KPNA6: variants seen among roughly 807,000 people sequenced by gnomAD.
The protein encoded by KPNA6 is karyopherin subunit alpha 6.
A neutral mutation model predicts 72.0 loss-of-function variants in KPNA6; 9 were observed. The observed-to-expected ratio is 0.13, with a 90% confidence interval of 0.08 to 0.22. KPNA6 has a LOEUF of 0.22. Ranked by LOEUF, KPNA6 falls within the 10% of genes least tolerant of loss-of-function variation. The pLI is 1.00. For missense variants in KPNA6, 374 were observed against 655.7 expected, an observed-to-expected ratio of 0.57 and a Z score of 4.69; for synonymous variants, 219 against 242.1, an observed-to-expected ratio of 0.90 and a Z score of 0.89.
intron 1 of KPNA6, among the ~76,000 whole-genome samples, chr1:32,122,957 CAAAA>C (rs912635889): frequency 1.8e-5 from 1 of 56,112 alleles, no homozygotes. Flanking sequence ...AACTCCATCT[CAAAA>C]AAAAAAAAAA....
chr1:32,124,987 G>A (rs1181909026), intron 1 of KPNA6, among the ~76,000 whole-genome samples: 4 of 151,932 alleles, frequency 2.6e-5, no homozygotes, highest in Admixed American at 1.3e-4. Context: ...CGGGACTACC[G>A]GCGCATGCCA....
At chr1:32,155,569 G>T (rs1375447008) in intron 2 of KPNA6, among the ~76,000 whole-genome samples, 1 of 151,866 alleles carries the variant, frequency 6.6e-6, no homozygotes, top group East Asian at 1.9e-4. Context: ...GATCTGCCCA[G>T]ATCTGCCCGC....
intron 1 of KPNA6, among the ~76,000 whole-genome samples, chr1:32,122,072 G>A (rs1188577675): frequency 6.6e-6 from 1 of 151,924 alleles, no homozygotes. Context: ...TCAGGAGTTC[G>A]AGAGCAGCCT....
Position 32,170,024 on chromosome 1 carries a change from G to A in KPNA6, c.1387G>A (p.Val463Ile), listed in dbSNP as rs747983431. 5.0e-6 allele frequency: 8 copies of A among 1,614,026 alleles called. No individual in the cohort carries two copies. The East Asian group carries it at 1.6e-4, about 31-fold the overall frequency. Reference sequence around the variant, plus strand: ...AGAGGGCAAGCGCAGTGGCTCAGGGGTCAATCCTTATTGTGGCCTCATAGA... The same window carrying A: ...AGAGGGCAAGCGCAGTGGCTCAGGGATCAATCCTTATTGTGGCCTCATAGA... ...EQEGKRSGSG[V>I]NPYCGLIEEA... Residue 463 changes from valine to isoleucine, a missense_variant, in exon 13 of 14, where the codon GTC becomes ATC. Coordinates refer to ENST00000373625, the MANE Select transcript of KPNA6 (RefSeq NM_012316.5).
At chr1:32,160,560 G>A (rs200622778) in intron 6 of KPNA6, 55 bp from the exon 7 acceptor site, 14 of 1,379,968 alleles carry the variant, frequency 1.0e-5, no homozygotes, top group Non-Finnish European at 1.4e-5. Flanking sequence ...TGGCTATAAA[G>A]TACTCACAGG....
At chr1:32,161,356 A>G (rs1486925889) in intron 7 of KPNA6, among the ~76,000 whole-genome samples, 1 of 152,192 alleles carries the variant, frequency 6.6e-6, no homozygotes, top group African/African-American at 2.4e-5. Context: ...CATACATCGG[A>G]CAGCTCTGTC....
At chr1:32,142,852 CT>C (rs1641862591) in intron 1 of KPNA6, 1 of 896,706 alleles carries the variant, frequency 1.1e-6, no homozygotes, top group Non-Finnish European at 1.5e-6. Context: ...TCTAACCTCC[CT>C]TGTCTGCTTC....
At chr1:32,170,269 G>A (rs1642412446) in intron 13 of KPNA6, among the ~76,000 whole-genome samples, 1 of 152,226 alleles carries the variant, frequency 6.6e-6, no homozygotes, top group Non-Finnish European at 1.5e-5. Context: ...AGTATAATCA[G>A]GATGTGCTGA....
chr1:32,119,538 C>G (rs1283643371), intron 1 of KPNA6, among the ~76,000 whole-genome samples: 1 of 152,092 alleles, frequency 6.6e-6, no homozygotes, highest in Non-Finnish European at 1.5e-5. Flanking sequence ...CAGACAAAAC[C>G]TCTTTCTGGT....
At chr1:32,119,945 C>T (rs1641403482) in intron 1 of KPNA6, among the ~76,000 whole-genome samples, 1 of 151,800 alleles carries the variant, frequency 6.6e-6, no homozygotes, top group Non-Finnish European at 1.5e-5. Flanking sequence ...ACCATATTGG[C>T]CAGGCTGGTC....
At chr1:32,151,904 C>G (rs1000166616) in intron 1 of KPNA6, among the ~76,000 whole-genome samples, 6 of 152,186 alleles carry the variant, frequency 3.9e-5, no homozygotes, top group African/African-American at 1.4e-4. Context: ...AGTCAAGATA[C>G]AACAGTTCTA....
At chr1:32,153,212 G>A (rs1642068357) in intron 1 of KPNA6, among the ~76,000 whole-genome samples, 1 of 151,844 alleles carries the variant, frequency 6.6e-6, no homozygotes, top group Non-Finnish European at 1.5e-5. Context: ...ACAAAAGAGG[G>A]CACAAATAAG....
intron 1 of KPNA6, among the ~76,000 whole-genome samples, chr1:32,113,601 C>T (rs1382127469): frequency 2.0e-5 from 3 of 152,100 alleles, no homozygotes; most frequent in Non-Finnish European, 4.4e-5. Context: ...TACAGGCATG[C>T]ACCACCATGC....
chr1:32,126,139 G>A (rs1641531220), intron 1 of KPNA6, among the ~76,000 whole-genome samples: 1 of 151,874 alleles, frequency 6.6e-6, no homozygotes, highest in Non-Finnish European at 1.5e-5. Context: ...TCCTGCCTCG[G>A]CCTCCTAAAG....
At chr1:32,164,773 T>G (rs1259830173) in intron 10 of KPNA6, among the ~76,000 whole-genome samples, 1 of 152,066 alleles carries the variant, frequency 6.6e-6, no homozygotes, top group Non-Finnish European at 1.5e-5. Context: ...GTTGTTCAAT[T>G]TTAGGAGTTC....
intron 6 of KPNA6, 86 bp from the exon 7 acceptor site, chr1:32,160,529 T>C: frequency 1.0e-6 from 1 of 968,916 alleles, no homozygotes; most frequent in Non-Finnish European, 1.7e-6. Context: ...CTCATCCTGG[T>C]GGGTACTCAC....
rs1199788879 is a variant in KPNA6, at chr1:32,110,312, G to A, written c.4+2178G>A. On this transcript the variant is annotated intron_variant, in intron 1 of 13. Coordinates refer to ENST00000373625, the MANE Select transcript of KPNA6 (RefSeq NM_012316.5). ...ACTCCTGACCTCTGGTGATCTGCCCGTCTCGGCCTCCCAAAGTGCTGGGAT... is the reference window on the plus strand; with the variant it reads ...ACTCCTGACCTCTGGTGATCTGCCCATCTCGGCCTCCCAAAGTGCTGGGAT... Among the ~76,000 whole-genome samples, 4 of 151,872 alleles carry A rather than the reference G, an allele frequency of 2.6e-5. No individual in the cohort carries two copies. The East Asian group carries it at 5.8e-4, about 22-fold the overall frequency.
At position 32,169,613 on chromosome 1, in the gene KPNA6, A is replaced by G. The variant is rs1435415723; in HGVS notation, c.1245-269A>G. On this transcript the variant is annotated intron_variant, in intron 12 of 13. Coordinates refer to ENST00000373625, the MANE Select transcript of KPNA6 (RefSeq NM_012316.5). ...AGGTGCCCGCCACCACACCTGGCCA[A>G]TTTTTTTTTTTTTTTTGTATTTTTT... 6.2e-5 allele frequency among the ~76,000 whole-genome samples: 8 copies of G among 129,712 alleles called. No homozygotes were observed. The East Asian group carries it at 1.9e-3, about 31-fold the overall frequency. The allele number at this position is 129,712 out of a possible 152,430, so 85.1% of individuals were successfully genotyped here. A position where few individuals can be genotyped will look rare whatever the true frequency, so the allele number is the denominator to read the frequency against.
At chr1:32,120,275 C>T (rs1299706001) in intron 1 of KPNA6, among the ~76,000 whole-genome samples, 8 of 143,980 alleles carry the variant, frequency 5.6e-5, no homozygotes, top group African/African-American at 1.6e-4. Context: ...GATGGAGTCT[C>T]GCTCTGCCGC....
Sources: gnomAD v4.1 joint callset for allele counts (sites outside exome capture counted in the v4.1 genomes callset) on GRCh38, gnomAD v4.1.1 for gene constraint, MANE v1.5 for transcripts, NCBI Gene and HGNC (gene_info 2026-07-23, HGNC 2026-07-21) for gene names.